RASL10B: variants seen among roughly 807,000 people sequenced by gnomAD.
RASL10B encodes the protein ras-like protein family member 10B.
A neutral mutation model predicts 20.7 loss-of-function variants in RASL10B; 10 were observed. That is an observed-to-expected ratio of 0.48 (90% CI 0.30 to 0.82). The LOEUF is 0.82. Ranked by LOEUF, RASL10B falls within the 40% of genes least tolerant of loss-of-function variation. The pLI, the probability that RASL10B is intolerant of heterozygous loss-of-function variation, is 0.07. For synonymous variants in RASL10B, 110 were observed against 123.3 expected, an observed-to-expected ratio of 0.89 and a Z score of 0.72; for missense variants, 231 against 295.4, an observed-to-expected ratio of 0.78 and a Z score of 1.60.
At chr17:35,738,679 C>T (rs2085610116) in intron 2 of RASL10B, among the ~76,000 whole-genome samples, 1 of 152,180 alleles carries the variant, frequency 6.6e-6, no homozygotes, top group Non-Finnish European at 1.5e-5. Flanking sequence ...CCTGCTTCCT[C>T]CCTTCAATCA....
rs587691727 is a variant in RASL10B at position 35,735,659 on chromosome 17, C to T, written c.216+259C>T. ...GTGGGCACTGGTGCAGAATGGTGAGCAAAAAATTTATGGAATTTGCTTTCA... is the reference window on the plus strand; with the variant it reads ...GTGGGCACTGGTGCAGAATGGTGAGTAAAAAATTTATGGAATTTGCTTTCA... On this transcript the variant is annotated intron_variant, in intron 2 of 3. Transcript: ENST00000603017. This position sits in a 1 kb window ranked among gnomAD's most constrained non-coding sequence, Gnocchi z 6.7. Among the ~76,000 whole-genome samples the T allele has an allele frequency of 6.6e-6, 1 of 152,120 alleles. No homozygotes were observed. The highest frequency in any genetic ancestry group is 1.5e-5 in the Non-Finnish European group (1 of 68,008).
chr17:35,741,681 G>T lies in RASL10B; in HGVS notation c.*376G>T. On this transcript the variant is annotated 3_prime_UTR_variant, in exon 4 of 4. Coordinates refer to ENST00000603017, the MANE Select transcript of RASL10B (RefSeq NM_033315.4). ...CTCCAGAATGTGTCTGTCTTTGCCT[G>T]GTGTCTTCCTTTCCCGTGTCCGCCC... The T allele has an allele frequency of 4.3e-6, 1 of 230,862 alleles. No homozygotes were observed. Among genetic ancestry groups the T allele is most frequent in the Non-Finnish European group, 8.4e-6 (1 of 119,640 alleles). 14.3% of individuals were successfully genotyped at this position (230,862 alleles called of 1,614,324 possible).
Position 35,731,786 on chromosome 17 carries a change from G to C in RASL10B, c.-240G>C, listed in dbSNP as rs2085559095. ...GGGAGCCCCTACTTCTCTCCCCCCG[G>C]GCGGGGGAGCCGGGGGGCAGCGCCG... On this transcript the variant is annotated 5_prime_UTR_variant, in exon 1 of 4. Transcript: ENST00000603017. 1 of 151,970 alleles carries C rather than the reference G, an allele frequency of 6.6e-6. No homozygotes were observed. Among genetic ancestry groups the C allele is most frequent in the Non-Finnish European group, 1.5e-5 (1 of 67,968 alleles). 9.4% of individuals were successfully genotyped at this position (151,970 alleles called of 1,614,324 possible). A position where few individuals can be genotyped will look rare whatever the true frequency, so the allele number is the denominator to read the frequency against.
chr17:35,732,727 A>G (rs2085565846), intron 1 of RASL10B, among the ~76,000 whole-genome samples: 1 of 152,082 alleles, frequency 6.6e-6, no homozygotes, highest in Admixed American at 6.5e-5. Context: ...ATCTGCAGGT[A>G]GGGTGCATCC....
intron 1 of RASL10B, among the ~76,000 whole-genome samples, chr17:35,734,360 A>G (rs1025891670): frequency 1.3e-5 from 2 of 152,296 alleles, no homozygotes. Context: ...GCTTCTCTCT[A>G]AAGTGGGAAT....
chr17:35,732,625 CT>C (rs1167507555), intron 1 of RASL10B, among the ~76,000 whole-genome samples: 1 of 152,162 alleles, frequency 6.6e-6, no homozygotes, highest in East Asian at 1.9e-4. Flanking sequence ...CCTGCACCCC[CT>C]TCCTAGCTCC....
chr17:35,740,915 G>T, intron 3 of RASL10B, 120 bp from the exon 4 acceptor site: 1 of 794,176 alleles, frequency 1.3e-6, no homozygotes, highest in Non-Finnish European at 2.0e-6. Context: ...CCAGGGCTTA[G>T]GGCTGCGCCT....
chr17:35,737,690 T>C (rs2085602316), intron 2 of RASL10B, among the ~76,000 whole-genome samples: 1 of 151,594 alleles, frequency 6.6e-6, no homozygotes, highest in Admixed American at 6.6e-5. Context: ...TCACTTGAGC[T>C]CAGGAGTTCG....
In RASL10B at chr17:35,741,279, C is replaced by G. The variant is rs1219000808; in HGVS notation, c.586C>G (p.Arg196Gly). 1 of 1,527,160 alleles carries G rather than the reference C, an allele frequency of 6.5e-7. No homozygotes were observed. Among genetic ancestry groups the G allele is most frequent in the South Asian group, 1.2e-5 (1 of 82,636 alleles). 94.6% of individuals were successfully genotyped at this position (1,527,160 alleles called of 1,614,324 possible). A position where few individuals can be genotyped will look rare whatever the true frequency, so the allele number is the denominator to read the frequency against. ...HAALRFQGAL[R>G]RNRCAIM is the part of the protein sequence containing the mutation. ...TGCCCTGCGCTTCCAGGGCGCGCTGCGCCGCAACCGCTGCGCCATCATGTG... is the reference window on the plus strand; with the variant it reads ...TGCCCTGCGCTTCCAGGGCGCGCTGGGCCGCAACCGCTGCGCCATCATGTG... Residue 196 changes from arginine (R) to glycine (G), a missense_variant, in exon 4 of 4, where the codon CGC becomes GGC. Arg to Gly is a moderately radical substitution (Grantham distance 125). Transcript: ENST00000603017.
chr17:35,737,700 G>A (rs1555597393), intron 2 of RASL10B, among the ~76,000 whole-genome samples: 5 of 151,952 alleles, frequency 3.3e-5, no homozygotes, highest in East Asian at 1.9e-4. Context: ...TCAGGAGTTC[G>A]AGACCAGCCT....
At chr17:35,734,431 C>T (rs1474133125) in intron 1 of RASL10B, among the ~76,000 whole-genome samples, 1 of 152,136 alleles carries the variant, frequency 6.6e-6, no homozygotes, top group Non-Finnish European at 1.5e-5. Flanking sequence ...GGCATGCCAG[C>T]AGAGTAAGTG....
At position 35,741,322 on chromosome 17, in the gene RASL10B, G is replaced by C; in HGVS notation, c.*17G>C. The C allele has an allele frequency of 6.2e-6, 9 of 1,445,488 alleles. No individual in the cohort carries two copies. The highest frequency in any genetic ancestry group is 1.8e-6 in the Non-Finnish European group (2 of 1,099,372). The allele number at this position is 1,445,488 out of a possible 1,614,324, so 89.5% of individuals were successfully genotyped here. ...ATCATGTGACGCCTGCGCGCCCCTC[G>C]GGCTGCACCGGCACTGGCCGAGCGG... is the stretch of plus-strand genomic sequence containing the variant. On this transcript the variant is annotated 3_prime_UTR_variant, in exon 4 of 4. Coordinates refer to ENST00000603017, the MANE Select transcript of RASL10B (RefSeq NM_033315.4).
Position 35,735,480 on chromosome 17 carries a change from T to TGGGCCATATTGCCA in RASL10B, c.216+85_216+86insATATTGCCAGGGCC. ...GGCTGGATTCCAAACTGCTGTAGCT[T>TGGGCCATATTGCCA]GGGCCCTATTGCCAGGGCCCCATCA... On this transcript the variant is annotated intron_variant, in intron 2 of 3. Coordinates refer to ENST00000603017, the MANE Select transcript of RASL10B (RefSeq NM_033315.4). The surrounding 1 kb of genome is among the most constrained non-coding windows in gnomAD (Gnocchi z 6.7). 7.1e-7 allele frequency: 1 copy of TGGGCCATATTGCCA among 1,415,956 alleles called. No homozygotes were observed. Among genetic ancestry groups the TGGGCCATATTGCCA allele is most frequent in the East Asian group, 2.4e-5 (1 of 41,754 alleles). The allele number at this position is 1,415,956 out of a possible 1,614,324, so 87.7% of individuals were successfully genotyped here. A position where few individuals can be genotyped will look rare whatever the true frequency, so the allele number is the denominator to read the frequency against.
chr17:35,734,524 G>A (rs1407373499), intron 1 of RASL10B, among the ~76,000 whole-genome samples: 1 of 152,168 alleles, frequency 6.6e-6, no homozygotes, highest in Non-Finnish European at 1.5e-5. Flanking sequence ...GGGGGCAGGG[G>A]GAGTTTTTGG....
At chr17:35,732,694 C>T (rs1237995435) in intron 1 of RASL10B, among the ~76,000 whole-genome samples, 4 of 152,058 alleles carry the variant, frequency 2.6e-5, no homozygotes, top group Non-Finnish European at 4.4e-5. Context: ...GGTTTCTGGG[C>T]AGGGAGTGTG....
In RASL10B at chr17:35,741,322, G is replaced by A; in HGVS notation, c.*17G>A. 2 of 1,445,488 alleles carry A rather than the reference G, an allele frequency of 1.4e-6. No homozygotes were observed. The highest frequency in any genetic ancestry group is 1.8e-6 in the Non-Finnish European group (2 of 1,099,372). 89.5% of individuals were successfully genotyped at this position (1,445,488 alleles called of 1,614,324 possible). Reference sequence around the variant, plus strand: ...ATCATGTGACGCCTGCGCGCCCCTCGGGCTGCACCGGCACTGGCCGAGCGG... The same window carrying A: ...ATCATGTGACGCCTGCGCGCCCCTCAGGCTGCACCGGCACTGGCCGAGCGG... On this transcript the variant is annotated 3_prime_UTR_variant, in exon 4 of 4. Coordinates refer to ENST00000603017, the MANE Select transcript of RASL10B (RefSeq NM_033315.4).
In RASL10B at chr17:35,735,921, C is replaced by T. The variant is rs1222437025; in HGVS notation, c.216+521C>T. Among the ~76,000 whole-genome samples the T allele has an allele frequency of 2.0e-5, 3 of 152,138 alleles. No individual in the cohort carries two copies. The highest frequency in any genetic ancestry group is 6.5e-5 in the Admixed American group (1 of 15,284). ...TGTGAGTATTCGGAGCTGTGCCTACCGTAACCTCACTCCACATCCTCTGGA... is the reference window on the plus strand; with the variant it reads ...TGTGAGTATTCGGAGCTGTGCCTACTGTAACCTCACTCCACATCCTCTGGA... On this transcript the variant is annotated intron_variant, in intron 2 of 3. Transcript: ENST00000603017. The surrounding 1 kb of genome is among the most constrained non-coding windows in gnomAD (Gnocchi z 6.7).
At position 35,735,235 on chromosome 17, in the gene RASL10B, G is replaced by A; in HGVS notation, c.51G>A (p.Lys17=). 1 of 1,613,326 alleles carries A rather than the reference G, an allele frequency of 6.2e-7. No individual in the cohort carries two copies. Among genetic ancestry groups the A allele is most frequent in the Non-Finnish European group, 8.5e-7 (1 of 1,180,000 alleles). Residue 17 remains lysine, a synonymous_variant, in exon 2 of 4, where the codon AAG becomes AAA. Coordinates refer to ENST00000603017, the MANE Select transcript of RASL10B (RefSeq NM_033315.4). This position sits in a 1 kb window ranked among gnomAD's most constrained non-coding sequence, Gnocchi z 6.7. ...TGCTGGGGGCGCGAGGTGTGGGCAA[G>A]AGTGCCATCGTGCGCCAGTTCTTGT... ...VAVLGARGVG[K]SAIVRQFLYN...
In RASL10B at chr17:35,735,084, G is replaced by A. The variant is rs2085581526; in HGVS notation, c.-101G>A. ...GCCCAGGGCAAGCAGAGGCAGCAAT[G>A]GTTGGTCCTGACGGTGGCTGAGCCC... is the stretch of plus-strand genomic sequence containing the variant. On this transcript the variant is annotated 5_prime_UTR_variant, in exon 2 of 4. The change abolishes an upstream ATG in the 5' untranslated region. Coordinates refer to ENST00000603017, the MANE Select transcript of RASL10B (RefSeq NM_033315.4). The surrounding 1 kb of genome is among the most constrained non-coding windows in gnomAD (Gnocchi z 6.7). The A allele has an allele frequency of 8.1e-7, 1 of 1,230,312 alleles. No homozygotes were observed. The highest frequency in any genetic ancestry group is 1.2e-6 in the Non-Finnish European group (1 of 860,896). The allele number at this position is 1,230,312 out of a possible 1,614,324, so 76.2% of individuals were successfully genotyped here.
Sources: gnomAD v4.1 joint callset for allele counts (sites outside exome capture counted in the v4.1 genomes callset) on GRCh38, gnomAD v4.1.1 for gene constraint, Gnocchi (gnomAD v3.1) non-coding constraint, MANE v1.5 for transcripts, NCBI Gene and HGNC (gene_info 2026-07-23, HGNC 2026-07-21) for gene names.